The following CEP112 variants were observed in gnomAD, a reference collection of about 807,000 sequenced individuals.
CEP112 encodes centrosomal protein 112, also known as centrosomal protein of 112 kDa.
A neutral mutation model predicts 153.0 loss-of-function variants in CEP112; 127 were observed. That is an observed-to-expected ratio of 0.83 (90% CI 0.72 to 0.96). The LOEUF is 0.96. CEP112 is among the 40% of genes least tolerant of loss of function. The pLI is 0.00. For synonymous variants in CEP112, 358 were observed against 374.4 expected (o/e 0.96, Z 0.51); for missense variants, 1,089 against 1,101.2 (o/e 0.99, Z 0.16).
chr17:65,898,949 A>G (rs1436538419), intron 20 of CEP112, among the ~76,000 whole-genome samples: 1 of 152,204 alleles, frequency 6.6e-6, no homozygotes, highest in Non-Finnish European at 1.5e-5. Flanking sequence ...GGCCCTAAAA[A>G]GACAAGTAAG....
intron 12 of CEP112, among the ~76,000 whole-genome samples, chr17:66,034,790 AT>A (rs1041134281): frequency 2.7e-5 from 4 of 150,812 alleles, no homozygotes; most frequent in Admixed American, 6.6e-5. Flanking sequence ...GTGAACTTGA[AT>A]TTTTTTTGTT....
At chr17:65,960,833 T>C (rs900953572) in intron 18 of CEP112, among the ~76,000 whole-genome samples, 1 of 152,176 alleles carries the variant, frequency 6.6e-6, no homozygotes, top group Admixed American at 6.5e-5. Flanking sequence ...AATGGATTTC[T>C]CCAGGGAAGA....
At chr17:65,872,910 T>G (rs2058709675) in intron 20 of CEP112, 1 of 152,192 alleles carries the variant, frequency 6.6e-6, no homozygotes, top group Non-Finnish European at 1.5e-5. Flanking sequence ...GGGTTTCCAA[T>G]GCCTGTTAAA....
intron 16 of CEP112, among the ~76,000 whole-genome samples, chr17:66,011,878 AT>A: frequency 6.6e-6 from 1 of 152,268 alleles, no homozygotes; most frequent in Non-Finnish European, 1.5e-5. Context: ...GTCTCTAAGA[AT>A]TTGCTTTATG....
At chr17:66,039,850 G>A (rs1411822718) in intron 12 of CEP112, among the ~76,000 whole-genome samples, 1 of 152,028 alleles carries the variant, frequency 6.6e-6, no homozygotes, top group Non-Finnish European at 1.5e-5. Flanking sequence ...ACTTTTTGGG[G>A]TCAGGCTTCT....
intron 23 of CEP112, among the ~76,000 whole-genome samples, chr17:65,738,828 G>A (rs141428694): frequency 6.6e-6 from 1 of 152,288 alleles, no homozygotes; most frequent in East Asian, 1.9e-4. Flanking sequence ...ATAAATGGGA[G>A]ATAAAAACCG....
intron 4 of CEP112, among the ~76,000 whole-genome samples, chr17:66,165,381 A>G (rs2071911186): frequency 6.6e-6 from 1 of 152,242 alleles, no homozygotes; most frequent in Non-Finnish European, 1.5e-5. Context: ...ATAGAACATT[A>G]CCATCAGAAA....
chr17:66,151,297 T>C (rs1269197861), intron 4 of CEP112, among the ~76,000 whole-genome samples: 6 of 152,176 alleles, frequency 3.9e-5, no homozygotes, highest in Admixed American at 6.5e-5. Context: ...TCACTGAATA[T>C]TTTATAGTAT....
intron 18 of CEP112, among the ~76,000 whole-genome samples, chr17:65,934,330 A>G (rs1431239016): frequency 6.6e-6 from 1 of 152,246 alleles, no homozygotes; most frequent in Non-Finnish European, 1.5e-5. Flanking sequence ...TGTTATAAGT[A>G]GAAGATGTTT....
rs553386783 is a variant in CEP112, at chr17:65,960,956, G to A, written c.1872+507C>T. On this transcript the variant is annotated intron_variant, in intron 18 of 26. Transcript: ENST00000535342. ...GCATCTTTGCGATGGGTACCCAGGTGTTTGTAATAATTCCCTTTATTCTTT... is the reference window on the plus strand; with the variant it reads ...GCATCTTTGCGATGGGTACCCAGGTATTTGTAATAATTCCCTTTATTCTTT... 1.3e-3 allele frequency among the ~76,000 whole-genome samples: 192 copies of A among 151,490 alleles called. 2 individuals carry two copies. Among genetic ancestry groups the A allele is most frequent in the African/African-American group, 4.4e-3 (182 of 41,328 alleles).
chr17:66,046,394 G>A (rs9902827), intron 12 of CEP112, among the ~76,000 whole-genome samples: 35,620 of 152,068 alleles, frequency 0.23, 6,136 homozygotes, highest in African/African-American at 0.49. Flanking sequence ...ATACTAGTGT[G>A]TTTAACTACT....
intron 18 of CEP112, among the ~76,000 whole-genome samples, chr17:65,953,595 C>G (rs2061907021): frequency 6.6e-6 from 1 of 152,158 alleles, no homozygotes; most frequent in African/African-American, 2.4e-5. Flanking sequence ...TGGAAATAGA[C>G]TCGGTGCTGT....
intron 21 of CEP112, among the ~76,000 whole-genome samples, chr17:65,773,049 C>T (rs948211247): frequency 1.3e-5 from 2 of 152,168 alleles, no homozygotes; most frequent in South Asian, 2.1e-4. Flanking sequence ...CACTATTATC[C>T]TCACTGAAAC....
At chr17:65,724,108 T>C (rs543691812) in intron 23 of CEP112, among the ~76,000 whole-genome samples, 30 of 152,304 alleles carry the variant, frequency 2.0e-4, no homozygotes, top group Admixed American at 1.7e-3. Context: ...GTTTCCAACA[T>C]TAAAGCATTC....
intron 23 of CEP112, among the ~76,000 whole-genome samples, chr17:65,712,322 T>C (rs2049238208): frequency 6.6e-6 from 1 of 152,194 alleles, no homozygotes; most frequent in African/African-American, 2.4e-5. Flanking sequence ...GGCTATGATA[T>C]ACAGAAGATG....
chr17:66,042,867 G>A (rs2145849713), intron 12 of CEP112, among the ~76,000 whole-genome samples: 1 of 152,154 alleles, frequency 6.6e-6, no homozygotes, highest in East Asian at 1.9e-4. Flanking sequence ...ATTTTTAAAT[G>A]GTCATTTTAT....
In CEP112 at chr17:66,007,939, G is replaced by A. The variant is rs191383812; in HGVS notation, c.1657-2170C>T. Reference sequence around the variant, plus strand: ...CTAGCACTAAAATACTATTTATGCCGTTTTTTCCTGTTTCCTAATTTTTTA... The same window carrying A: ...CTAGCACTAAAATACTATTTATGCCATTTTTTCCTGTTTCCTAATTTTTTA... On this transcript the variant is annotated intron_variant, in intron 16 of 26. Transcript: ENST00000535342. 1.6e-4 allele frequency among the ~76,000 whole-genome samples: 25 copies of A among 152,088 alleles called. No homozygotes were observed. In the East Asian group the frequency reaches 3.5e-3, roughly 21 times the overall value.
chr17:65,766,812 G>A (rs4594282), intron 21 of CEP112, among the ~76,000 whole-genome samples: 68,384 of 145,634 alleles, frequency 0.47, 17,922 homozygotes, highest in East Asian at 0.77. Flanking sequence ...GATAAAGAGG[G>A]CATTCATCAA....
intron 21 of CEP112, among the ~76,000 whole-genome samples, chr17:65,817,640 T>C (rs1424204940): frequency 6.6e-6 from 1 of 151,954 alleles, no homozygotes; most frequent in East Asian, 1.9e-4. Context: ...TCATTAGATC[T>C]CACAGGGTAC....
Sources: allele counts gnomAD v4.1 joint callset (sites outside exome capture counted in the v4.1 genomes callset), GRCh38; gene constraint gnomAD v4.1.1; transcripts MANE v1.5; gene names NCBI Gene and HGNC (gene_info 2026-07-23, HGNC 2026-07-21).